Variants in CACNA1C observed in about 807,000 individuals in gnomAD.
CACNA1C encodes the protein calcium voltage-gated channel subunit alpha1 C, also known as voltage-dependent L-type calcium channel subunit alpha-1C.
In CACNA1C, 30 loss-of-function variants were observed where a neutral mutation model predicts 229.0. The ratio of observed to expected loss-of-function variants is 0.13; its 90% CI spans 0.10 to 0.18. CACNA1C has a LOEUF of 0.18. Among genes scored for constraint, CACNA1C ranks in the 10% least tolerant of loss-of-function variants. The pLI is 1.00. For synonymous variants in CACNA1C, 1,114 were observed against 1,132.5 expected, an observed-to-expected ratio of 0.98 and a Z score of 0.33; for missense variants, 1,658 against 2,845.0, an observed-to-expected ratio of 0.58 and a Z score of 9.49.
At chr12:2,455,669 A>C (rs771592321) in intron 4 of CACNA1C, among the ~76,000 whole-genome samples, 29 of 150,692 alleles carry the variant, frequency 1.9e-4, no homozygotes, top group Admixed American at 1.3e-4. Flanking sequence ...TGTCCACATC[A>C]CTCCACCAAC....
At chr12:2,256,756 TA>T (rs950422244) in intron 3 of CACNA1C, among the ~76,000 whole-genome samples, 3 of 152,020 alleles carry the variant, frequency 2.0e-5, no homozygotes, top group South Asian at 4.2e-4. Context: ...CTAAAGAACT[TA>T]AAAAAAATCC....
At position 2,054,012 on chromosome 12, in the gene CACNA1C, C is replaced by T. The variant is rs1394513529; in HGVS notation, c.49+401C>T. 1.4e-5 allele frequency among the ~76,000 whole-genome samples: 2 copies of T among 147,182 alleles called. No individual in the cohort carries two copies. Among genetic ancestry groups the T allele is most frequent in the Admixed American group, 1.3e-4 (2 of 14,826 alleles). On this transcript the variant is annotated intron_variant, in intron 1 of 46. Transcript: ENST00000399655. This position sits in a 1 kb window ranked among gnomAD's most constrained non-coding sequence, Gnocchi z 5.5. ...CGCGGAGCCCAGAGGCCCGGGGTCC[C>T]TCGCCCGGCTCGGGGCGCGGCTGGG... is the stretch of plus-strand genomic sequence containing the variant.
At position 2,116,350 on chromosome 12, in the gene CACNA1C, G is replaced by T. The variant is rs2299662; in HGVS notation, c.371+805G>T. Among the ~76,000 whole-genome samples, 8 of 151,622 alleles carry T rather than the reference G, an allele frequency of 5.3e-5. No homozygotes were observed. In the South Asian group the frequency reaches 1.0e-3, roughly 20 times the overall value. On this transcript the variant is annotated intron_variant, in intron 2 of 46. Transcript: ENST00000399655. ...GCCCCTTACTTCATCAGAATCCTGGGGCTGTAGAAATTGGGAAGGACTTTT... is the reference window on the plus strand; with the variant it reads ...GCCCCTTACTTCATCAGAATCCTGGTGCTGTAGAAATTGGGAAGGACTTTT...
rs2091667043 is a variant in CACNA1C, at chr12:2,633,857, T to C, written c.3829-440T>C. On this transcript the variant is annotated intron_variant, in intron 29 of 46. Transcript: ENST00000399655. This position sits in a 1 kb window ranked among gnomAD's most constrained non-coding sequence, Gnocchi z 5.8. ...TTTACCCGCCTCCAGTCATGCCTTT[T>C]ATTGAACCTGCCGTCGTCCTGTGGG... 1 of 615,744 alleles carries C rather than the reference T, an allele frequency of 1.6e-6. No individual in the cohort carries two copies. 38.1% of individuals were successfully genotyped at this position (615,744 alleles called of 1,614,324 possible).
intron 34 of CACNA1C, chr12:2,659,883 G>A (rs2095617478): frequency 6.5e-6 from 1 of 154,562 alleles, no homozygotes; most frequent in South Asian, 2.0e-4. Flanking sequence ...AGAATGATAA[G>A]AGAATTTCAT....
chr12:2,419,542 T>C (rs1301619671), intron 3 of CACNA1C, among the ~76,000 whole-genome samples: 2 of 152,122 alleles, frequency 1.3e-5, no homozygotes, highest in Admixed American at 6.6e-5. Context: ...TTTCTTTCTG[T>C]CATCCCAGAT....
At chr12:2,173,873 A>G (rs1289651703) in intron 3 of CACNA1C, among the ~76,000 whole-genome samples, 1 of 152,018 alleles carries the variant, frequency 6.6e-6, no homozygotes, top group Non-Finnish European at 1.5e-5. Context: ...GAGCCCTGTG[A>G]TTTGGTAACT....
At chr12:2,311,508 C>A (rs1008697621) in intron 3 of CACNA1C, among the ~76,000 whole-genome samples, 12 of 152,184 alleles carry the variant, frequency 7.9e-5, no homozygotes, top group African/African-American at 2.9e-4. Context: ...CAAGCTGACC[C>A]ATTTCCACAG....
At chr12:2,274,251 C>T (rs2086632236) in intron 3 of CACNA1C, among the ~76,000 whole-genome samples, 1 of 152,206 alleles carries the variant, frequency 6.6e-6, no homozygotes, top group South Asian at 2.1e-4. Context: ...AGGATATGAG[C>T]ACTCCCGAGT....
At chr12:2,099,121 G>A (rs893244275) in intron 1 of CACNA1C, among the ~76,000 whole-genome samples, 1 of 152,256 alleles carries the variant, frequency 6.6e-6, no homozygotes, top group East Asian at 1.9e-4. Flanking sequence ...CACTCTGGGC[G>A]CATAGCCCTG....
At chr12:2,517,508 CA>C (rs1461671597) in intron 9 of CACNA1C, among the ~76,000 whole-genome samples, 10 of 152,026 alleles carry the variant, frequency 6.6e-5, no homozygotes, top group Non-Finnish European at 1.2e-4. Flanking sequence ...GCCAAAAAGG[CA>C]AAAAAGGGGC....
chr12:2,075,882 T>A (rs1357469767), intron 1 of CACNA1C, among the ~76,000 whole-genome samples: 1 of 152,194 alleles, frequency 6.6e-6, no homozygotes, highest in Non-Finnish European at 1.5e-5. Context: ...GGAACCCATT[T>A]TGGTATAAAC....
At chr12:2,604,760 C>G (rs946317852) in intron 22 of CACNA1C, among the ~76,000 whole-genome samples, 17 of 152,338 alleles carry the variant, frequency 1.1e-4, no homozygotes, top group African/African-American at 4.1e-4. Context: ...ATTCCCATGG[C>G]CTTGCTCTGA....
chr12:2,135,970 G>A (rs911453145), intron 3 of CACNA1C, among the ~76,000 whole-genome samples: 21 of 150,068 alleles, frequency 1.4e-4, no homozygotes, highest in South Asian at 1.1e-3. Flanking sequence ...CTCCGTGGGC[G>A]TAGGACCCTC....
chr12:2,278,104 A>G (rs914665831), intron 3 of CACNA1C, among the ~76,000 whole-genome samples: 1 of 152,242 alleles, frequency 6.6e-6, no homozygotes, highest in African/African-American at 2.4e-5. Context: ...TTCCATAGGA[A>G]TAAACCAATG....
chr12:2,283,648 T>C (rs1374592741), intron 3 of CACNA1C, among the ~76,000 whole-genome samples: 1 of 152,194 alleles, frequency 6.6e-6, no homozygotes, highest in Non-Finnish European at 1.5e-5. Flanking sequence ...TGGCACATGG[T>C]CTAAAGACAG....
intron 3 of CACNA1C, among the ~76,000 whole-genome samples, chr12:2,166,015 A>ATAG (rs1566089950): frequency 6.6e-6 from 1 of 152,226 alleles, no homozygotes; most frequent in Non-Finnish European, 1.5e-5. Flanking sequence ...TAGTGAAGAA[A>ATAG]TAGCTTTTGA....
chr12:2,063,126 A>G (rs1021544708), intron 1 of CACNA1C, among the ~76,000 whole-genome samples: 4 of 150,312 alleles, frequency 2.7e-5, no homozygotes, highest in Non-Finnish European at 5.9e-5. Context: ...ATGGATTTTC[A>G]TGTGTTATTG....
rs546329341 is a variant in CACNA1C at position 2,123,330 on chromosome 12, C to T, written c.477+2900C>T. On this transcript the variant is annotated intron_variant, in intron 3 of 46. Coordinates refer to ENST00000399655, the MANE Select transcript of CACNA1C (RefSeq NM_000719.7). ...GGCGGAGCTTGCAGTGAGCCGAGATCGCGCCACCGCACTCCAGCCTGGGTG... is the reference window on the plus strand; with the variant it reads ...GGCGGAGCTTGCAGTGAGCCGAGATTGCGCCACCGCACTCCAGCCTGGGTG... 7.7e-5 allele frequency among the ~76,000 whole-genome samples: 11 copies of T among 142,608 alleles called. No homozygotes were observed. In the South Asian group the frequency reaches 9.3e-4, roughly 12 times the overall value. The allele number at this position is 142,608 out of a possible 152,430, so 93.6% of individuals were successfully genotyped here.
Sources: gnomAD v4.1 joint callset for allele counts (sites outside exome capture counted in the v4.1 genomes callset) on GRCh38, gnomAD v4.1.1 for gene constraint, Gnocchi (gnomAD v3.1) non-coding constraint, MANE v1.5 for transcripts, NCBI Gene and HGNC (gene_info 2026-07-23, HGNC 2026-07-21) for gene names.